Variants in WFDC5 observed in about 807,000 individuals in gnomAD.
WFDC5 encodes WAP four-disulfide core domain protein 5.
A neutral mutation model predicts 15.7 loss-of-function variants in WFDC5; 15 were observed. The observed-to-expected ratio is 0.96, with a 90% CI of 0.64 to 1.47. The LOEUF (loss-of-function observed/expected upper bound fraction) is 1.47. Among genes scored for constraint, WFDC5 ranks in the 40% most tolerant of loss-of-function variants. The probability of loss-of-function intolerance (pLI) is 0.00; values close to 1 mark genes in which losing one functional copy is unlikely to be tolerated. For missense variants in WFDC5, 280 were observed against 258.0 expected, an observed-to-expected ratio of 1.09 and a Z score of -0.59; for synonymous variants, 109 against 107.7, an observed-to-expected ratio of 1.01 and a Z score of -0.07.
At chr20:45,109,897 C>G (rs1193061852) in exon 4 of WFDC5, 1 of 1,463,448 alleles carries the variant, frequency 6.8e-7, no homozygotes, top group Non-Finnish European at 9.6e-7. Context: ...AAGGCTGGAA[C>G]CACCGCTGGT....
rs894856757 is a variant in WFDC5, at chr20:45,109,826, A to G, written c.581T>C (p.Leu194Pro). The G allele has an allele frequency of 5.8e-6, 5 of 855,436 alleles. No homozygotes were observed. In the African/African-American group the frequency reaches 8.4e-5, roughly 14 times the overall value. The allele number at this position is 855,436 out of a possible 1,614,324, so 53.0% of individuals were successfully genotyped here. Residue 194 changes from leucine to proline, a missense_variant, in exon 4 of 4, where the codon CTG (leucine) becomes CCG (proline). Coordinates refer to ENST00000307971, the Ensembl canonical transcript of WFDC5. ...GCTCAGGCTATGGACTTTGACTCCC[A>G]GGAGGAGAAACCAGGGGTGGATGGG... is the stretch of plus-strand genomic sequence containing the variant.
exon 1 of WFDC5, chr20:45,115,010 C>A: frequency 6.2e-7 from 1 of 1,613,718 alleles, no homozygotes; most frequent in Non-Finnish European, 8.5e-7. Context: ...TCCCTTCTTC[C>A]TGCCAAAGAC....
chr20:45,115,337 G>A (rs778937562), upstream of WFDC5, among the ~76,000 whole-genome samples: 38 of 152,166 alleles, frequency 2.5e-4, no homozygotes, highest in Admixed American at 2.6e-4. Context: ...GGTGACTTGG[G>A]CTGTGATCTT....
In WFDC5 at chr20:45,115,091, C is replaced by A. The variant is rs762820938; in HGVS notation, c.-8G>T. The A allele has an allele frequency of 1.9e-6, 3 of 1,611,690 alleles. No individual in the cohort carries two copies. In the Admixed American group the frequency reaches 5.0e-5, roughly 27 times the overall value. ...AAGGCTCTGGGTCCTCATATTTCTG[C>A]TGCCGGCTCAGGGCCCAGGGCCCCC... On this transcript the variant is annotated 5_prime_UTR_variant, in exon 1 of 4. Coordinates refer to ENST00000307971, the Ensembl canonical transcript of WFDC5.
At chr20:45,115,018 G>A (rs1364932754) in exon 1 of WFDC5, 1 of 1,613,574 alleles carries the variant, frequency 6.2e-7, no homozygotes, top group East Asian at 2.2e-5. Flanking sequence ...TCCTGCCAAA[G>A]ACAGCAGGCA....
intron 3 of WFDC5, 159 bp downstream of exon 3, chr20:45,110,241 C>T (rs1005686368): frequency 3.0e-6 from 4 of 1,338,682 alleles, no homozygotes; most frequent in African/African-American, 2.9e-5. Flanking sequence ...CTCTGTCATC[C>T]TAGCAGGACT....
exon 4 of WFDC5, chr20:45,109,926 C>A (rs775692640): frequency 2.5e-6 from 4 of 1,586,592 alleles, no homozygotes; most frequent in Non-Finnish European, 3.5e-6. Context: ...TGCTGTCCAG[C>A]GGGCAGGGCC....
At chr20:45,114,805 A>G (rs1305316786) in intron 1 of WFDC5, among the ~76,000 whole-genome samples, 194 bp downstream of exon 1, 1 of 151,898 alleles carries the variant, frequency 6.6e-6, no homozygotes, top group East Asian at 1.9e-4. Flanking sequence ...ACAGGCACAA[A>G]TGTACACACA....
upstream of WFDC5, among the ~76,000 whole-genome samples, chr20:45,116,167 CACTT>C (rs1479272772): frequency 1.3e-5 from 2 of 152,170 alleles, no homozygotes; most frequent in Non-Finnish European, 2.9e-5. Context: ...GGGCTTGTCT[CACTT>C]ACCCATTCCA....
At chr20:45,110,452 T>C in exon 3 of WFDC5, 1 of 1,613,730 alleles carries the variant, frequency 6.2e-7, no homozygotes, top group Non-Finnish European at 8.5e-7. Flanking sequence ...AGCATCGCTT[T>C]TTGCCCGAGC....
chr20:45,114,348 G>A (rs946549082), intron 1 of WFDC5, among the ~76,000 whole-genome samples: 6 of 152,136 alleles, frequency 3.9e-5, no homozygotes, highest in African/African-American at 1.4e-4. Context: ...CTGTCAGCAG[G>A]CCAGCCCCAG....
rs1981715778 is a variant in WFDC5, at chr20:45,114,884, C to T, written c.85+115G>A. 9.5e-6 allele frequency: 10 copies of T among 1,057,354 alleles called. No homozygotes were observed. The Admixed American group carries it at 1.1e-4, about 12-fold the overall frequency. 65.5% of individuals were successfully genotyped at this position (1,057,354 alleles called of 1,614,324 possible). On this transcript the variant is annotated intron_variant, in intron 1 of 3. Transcript: ENST00000307971. ...ACATACACACACGCACGCACGCACA[C>T]ACACACGCGCACACACACCCCACAG...
exon 3 of WFDC5, chr20:45,110,422 C>T: frequency 1.2e-6 from 2 of 1,608,738 alleles, no homozygotes; most frequent in African/African-American, 1.3e-5. Flanking sequence ...CCCGGCAATC[C>T]CGCCCGCAGG....
upstream of WFDC5, among the ~76,000 whole-genome samples, chr20:45,116,233 C>A (rs934017916): frequency 2.6e-5 from 4 of 152,160 alleles, no homozygotes; most frequent in Non-Finnish European, 5.9e-5. Flanking sequence ...TAATGTGAAT[C>A]TCTCGTGCTG....
chr20:45,110,240 C>A, intron 3 of WFDC5, 160 bp downstream of exon 3: 2 of 1,336,310 alleles, frequency 1.5e-6, no homozygotes, highest in Non-Finnish European at 1.0e-6. Flanking sequence ...CCTCTGTCAT[C>A]CTAGCAGGAC....
chr20:45,112,771 T>C (rs1981656695), intron 1 of WFDC5, among the ~76,000 whole-genome samples: 1 of 152,208 alleles, frequency 6.6e-6, no homozygotes, highest in African/African-American at 2.4e-5. Context: ...GTCAACTGTT[T>C]TATCTACAAA....
At chr20:45,110,161 C>A in intron 3 of WFDC5, 148 bp from the exon 4 acceptor site, 1 of 1,312,340 alleles carries the variant, frequency 7.6e-7, no homozygotes, top group South Asian at 1.5e-5. Flanking sequence ...AAACAGAAGC[C>A]CAGAGCAGTT....
intron 1 of WFDC5, among the ~76,000 whole-genome samples, chr20:45,114,246 G>T (rs983069495): frequency 6.6e-6 from 1 of 152,152 alleles, no homozygotes. Context: ...GTGAATGTAG[G>T]TTGGAGTGTT....
At chr20:45,112,082 C>T (rs929145225) in intron 1 of WFDC5, among the ~76,000 whole-genome samples, 1 of 151,764 alleles carries the variant, frequency 6.6e-6, no homozygotes, top group African/African-American at 2.4e-5. Flanking sequence ...GCTGTCACAT[C>T]GGGTTGGTTT....
Sources: gnomAD v4.1 joint callset for allele counts (sites outside exome capture counted in the v4.1 genomes callset) on GRCh38, gnomAD v4.1.1 for gene constraint, MANE v1.5 for transcripts, NCBI Gene and HGNC (gene_info 2026-07-23, HGNC 2026-07-21) for gene names.